The following TRDN variants were observed in gnomAD, a reference collection of about 807,000 sequenced individuals.
TRDN encodes the protein triadin.
A neutral mutation model predicts 149.7 loss-of-function variants in TRDN; 161 were observed. That is an observed-to-expected ratio of 1.08 (90% CI 0.95 to 1.23). TRDN has a LOEUF of 1.23. Among genes scored for constraint, TRDN ranks in the 50% most tolerant of loss-of-function variants. The pLI, the probability that TRDN is intolerant of heterozygous loss-of-function variation, is 0.00. For synonymous variants in TRDN, 294 were observed against 250.5 expected, an observed-to-expected ratio of 1.17 and a Z score of -1.64; for missense variants, 896 against 823.5, an observed-to-expected ratio of 1.09 and a Z score of -1.08.
chr6:123,278,112 T>G (rs1165631281), intron 26 of TRDN, among the ~76,000 whole-genome samples: 1 of 152,166 alleles, frequency 6.6e-6, no homozygotes, highest in Non-Finnish European at 1.5e-5. Context: ...CCATGTAAAT[T>G]TCTCAGATAT....
intron 1 of TRDN, among the ~76,000 whole-genome samples, chr6:123,606,709 T>G (rs1396343673): frequency 4.6e-5 from 7 of 152,194 alleles, no homozygotes; most frequent in Non-Finnish European, 1.0e-4. Context: ...TTCTTTGTTA[T>G]GTATAAATCT....
intron 1 of TRDN, among the ~76,000 whole-genome samples, chr6:123,607,851 CTTTTTT>C (rs558952808): frequency 7.7e-6 from 1 of 130,512 alleles, no homozygotes. Context: ...CTCTTTTAGT[CTTTTTT>C]TTTTTTTTTT....
At chr6:123,399,580 C>T (rs781630321) in intron 12 of TRDN, among the ~76,000 whole-genome samples, 3 of 152,138 alleles carry the variant, frequency 2.0e-5, no homozygotes, top group Non-Finnish European at 4.4e-5. Flanking sequence ...TATGAAGTCC[C>T]ATTTCTTGAG....
At chr6:123,590,686 C>T (rs979305873) in intron 1 of TRDN, among the ~76,000 whole-genome samples, 6 of 152,128 alleles carry the variant, frequency 3.9e-5, no homozygotes, top group Non-Finnish European at 8.8e-5. Context: ...TGCTTGAACT[C>T]TGGAAGCAGA....
chr6:123,401,671 G>T (rs149091257), intron 12 of TRDN, among the ~76,000 whole-genome samples: 249 of 152,270 alleles, frequency 1.6e-3, no homozygotes, highest in African/African-American at 5.7e-3. Flanking sequence ...GAGGCCGGGT[G>T]TAGTGCCTCA....
chr6:123,352,387 T>C (rs1780493983), intron 21 of TRDN, 152 bp downstream of exon 21: 8 of 1,375,308 alleles, frequency 5.8e-6, no homozygotes, highest in Non-Finnish European at 6.6e-6. Flanking sequence ...CTGTCTCACA[T>C]TCTCCCTGGC....
intron 10 of TRDN, 32 bp from the exon 11 acceptor site, chr6:123,439,035 G>A: frequency 6.6e-7 from 1 of 1,505,226 alleles, no homozygotes; most frequent in Non-Finnish European, 8.9e-7. Flanking sequence ...TTTCCTTTAG[G>A]GAAATTTAGT....
intron 23 of TRDN, among the ~76,000 whole-genome samples, chr6:123,325,860 C>A (rs1418417115): frequency 6.6e-6 from 1 of 152,056 alleles, no homozygotes; most frequent in Non-Finnish European, 1.5e-5. Flanking sequence ...GCAGACTACA[C>A]AACACATACT....
In TRDN at chr6:123,377,644, C is replaced by G. The variant is rs1582939299; in HGVS notation, c.1246+72G>C. 5 of 1,568,774 alleles carry G rather than the reference C, an allele frequency of 3.2e-6. No homozygotes were observed. The East Asian group carries it at 1.1e-4, about 35-fold the overall frequency. On this transcript the variant is annotated intron_variant, in intron 18 of 40. Transcript: ENST00000334268. ...CCCTTTACTGGCGCTGCCTTACCAC[C>G]TGTTTGAGGCTACAGCATTAATAAA... is the stretch of plus-strand genomic sequence containing the variant.
At chr6:123,617,633 G>C (rs1349303332) in intron 1 of TRDN, among the ~76,000 whole-genome samples, 1 of 152,120 alleles carries the variant, frequency 6.6e-6, no homozygotes, top group Non-Finnish European at 1.5e-5. Flanking sequence ...CATGAGCTCT[G>C]TGACCTTGAT....
intron 9 of TRDN, among the ~76,000 whole-genome samples, chr6:123,496,683 A>G (rs1347106404): frequency 6.6e-6 from 1 of 152,106 alleles, no homozygotes; most frequent in African/African-American, 2.4e-5. Flanking sequence ...TGTTTTGAAT[A>G]TTAATTCCAA....
intron 2 of TRDN, among the ~76,000 whole-genome samples, chr6:123,567,243 T>G (rs1782339234): frequency 6.6e-6 from 1 of 152,226 alleles, no homozygotes; most frequent in Non-Finnish European, 1.5e-5. Context: ...CAATAAACTA[T>G]GTATTGCCTA....
chr6:123,631,099 C>T (rs1248865356), intron 1 of TRDN, among the ~76,000 whole-genome samples: 1 of 150,788 alleles, frequency 6.6e-6, no homozygotes, highest in Non-Finnish European at 1.5e-5. Context: ...CTATACTCTC[C>T]TGGTTTTCAC....
intron 8 of TRDN, chr6:123,503,359 A>G: frequency 1.0e-6 from 1 of 985,226 alleles, no homozygotes; most frequent in Non-Finnish European, 1.2e-6. Flanking sequence ...ATTTTGGGGG[A>G]CCACTTTCCT....
chr6:123,273,262 A>T, intron 28 of TRDN, 75 bp downstream of exon 28: 1 of 1,018,796 alleles, frequency 9.8e-7, no homozygotes, highest in Non-Finnish European at 1.4e-6. Flanking sequence ...ACAGGTTGAA[A>T]ATACATGATT....
chr6:123,538,147 C>T (rs879153297), intron 4 of TRDN, among the ~76,000 whole-genome samples: 1 of 151,980 alleles, frequency 6.6e-6, no homozygotes, highest in Non-Finnish European at 1.5e-5. Context: ...TCAAAGAATG[C>T]CTCTCATTAT....
chr6:123,321,548 C>T (rs971265594), intron 23 of TRDN, among the ~76,000 whole-genome samples: 33 of 151,888 alleles, frequency 2.2e-4, no homozygotes, highest in East Asian at 5.8e-4. Context: ...CACAAAGACA[C>T]GCAATTTCAC....
At chr6:123,342,235 C>T (rs1282382515) in intron 21 of TRDN, among the ~76,000 whole-genome samples, 1 of 151,762 alleles carries the variant, frequency 6.6e-6, no homozygotes, top group East Asian at 1.9e-4. Flanking sequence ...AAAATTAGCC[C>T]TCCTTTATTT....
chr6:123,348,532 G>C (rs1339655142), intron 21 of TRDN, among the ~76,000 whole-genome samples: 9 of 151,990 alleles, frequency 5.9e-5, no homozygotes, highest in African/African-American at 1.9e-4. Flanking sequence ...TTCATAATTA[G>C]GCCTGTAGTG....
Sources: allele counts gnomAD v4.1 joint callset (sites outside exome capture counted in the v4.1 genomes callset), GRCh38; gene constraint gnomAD v4.1.1; transcripts MANE v1.5; gene names NCBI Gene and HGNC (gene_info 2026-07-23, HGNC 2026-07-21).